The following PDE4D variants were observed in gnomAD, a reference collection of about 807,000 sequenced individuals.
PDE4D encodes phosphodiesterase 4D.
In PDE4D, 24 loss-of-function variants were observed where a neutral mutation model predicts 87.4. The observed-to-expected ratio is 0.27, with a 90% CI of 0.20 to 0.39. The LOEUF is 0.39. Among genes scored for constraint, PDE4D ranks in the 10% least tolerant of loss-of-function variants. The pLI, the probability that PDE4D is intolerant of heterozygous loss-of-function variation, is 1.00. For synonymous variants in PDE4D, 384 were observed against 383.2 expected (o/e 1.00, Z -0.02); for missense variants, 714 against 1,041.0 (o/e 0.69, Z 4.32).
rs187449182 is a variant in PDE4D, at chr5:59,354,372, T to C, written c.456-138404A>G. On this transcript the variant is annotated intron_variant, in intron 1 of 14. Transcript: ENST00000340635. ...ATGCAAAAACAAGGCTGTGACATTATGAGATATTTTACATGTTTACATCAA... is the reference window on the plus strand; with the variant it reads ...ATGCAAAAACAAGGCTGTGACATTACGAGATATTTTACATGTTTACATCAA... Among the ~76,000 whole-genome samples the C allele has an allele frequency of 7.2e-5, 11 of 152,314 alleles. No individual in the cohort carries two copies. In the East Asian group the frequency reaches 2.1e-3, roughly 29 times the overall value.
chr5:59,593,724 T>C (rs1166178069), intron 1 of PDE4D, among the ~76,000 whole-genome samples: 1 of 151,794 alleles, frequency 6.6e-6, no homozygotes, highest in African/African-American at 2.4e-5. Flanking sequence ...AGTGCTGGGG[T>C]AGAAAAACCT....
intron 1 of PDE4D, among the ~76,000 whole-genome samples, chr5:59,874,610 G>A (rs974250652): frequency 6.6e-6 from 1 of 152,094 alleles, no homozygotes; most frequent in Non-Finnish European, 1.5e-5. Context: ...AGAATACAAA[G>A]TAATATTATA....
chr5:60,507,315 T>C (rs770481066), intron 1 of PDE4D, among the ~76,000 whole-genome samples: 1 of 152,206 alleles, frequency 6.6e-6, no homozygotes, highest in Non-Finnish European at 1.5e-5. Context: ...CCTCAGGCGA[T>C]CCACCTGCCT....
At chr5:60,137,763 C>T (rs370594981) in intron 2 of PDE4D, among the ~76,000 whole-genome samples, 38 of 152,000 alleles carry the variant, frequency 2.5e-4, no homozygotes, top group African/African-American at 9.2e-4. Context: ...ATTTTCTTTT[C>T]CTGTGCAGAA....
chr5:60,452,574 T>G lies in PDE4D; in HGVS notation c.-90+35368A>C, dbSNP rs116537390. On this transcript the variant is annotated intron_variant, in intron 1 of 16. Transcript: ENST00000502484. The stretch of plus-strand genomic sequence containing the variant: ...ACCCTGTCCTCAAAGAGTTTAAAAT[T>G]TGGTACAAAAGATATGTTTGCATGC... Among the ~76,000 whole-genome samples the G allele has an allele frequency of 6.9e-3, 1,045 of 152,120 alleles. 9 individuals are homozygous for G. The highest frequency in any genetic ancestry group is 0.024 in the African/African-American group (1,005 of 41,530).
intron 1 of PDE4D, among the ~76,000 whole-genome samples, chr5:60,477,066 T>A (rs1395740658): frequency 6.6e-6 from 1 of 152,132 alleles, no homozygotes; most frequent in Admixed American, 6.5e-5. Flanking sequence ...TTAAAATACG[T>A]CCAGTTTGAA....
chr5:59,904,399 G>A (rs1030228346), intron 3 of PDE4D, among the ~76,000 whole-genome samples: 2 of 152,100 alleles, frequency 1.3e-5, no homozygotes, highest in African/African-American at 4.8e-5. Flanking sequence ...CTCCCACTTT[G>A]CTGGAATAAA....
At chr5:59,252,007 A>G (rs1005525128) in intron 1 of PDE4D, among the ~76,000 whole-genome samples, 2 of 152,104 alleles carry the variant, frequency 1.3e-5, no homozygotes, top group Non-Finnish European at 2.9e-5. Flanking sequence ...AACAACAGAC[A>G]TTGGGGTCTA....
At chr5:59,436,464 T>A (rs1477570349) in intron 1 of PDE4D, among the ~76,000 whole-genome samples, 1 of 152,202 alleles carries the variant, frequency 6.6e-6, no homozygotes, top group East Asian at 1.9e-4. Flanking sequence ...AAACATACTA[T>A]TCTAGTAAAA....
At chr5:59,549,304 T>G (rs1817745740) in intron 1 of PDE4D, among the ~76,000 whole-genome samples, 1 of 152,190 alleles carries the variant, frequency 6.6e-6, no homozygotes, top group African/African-American at 2.4e-5. Flanking sequence ...AGTGTGTTTT[T>G]CATTCACTAT....
chr5:60,140,491 C>T (rs1780429129), intron 2 of PDE4D, among the ~76,000 whole-genome samples: 1 of 149,864 alleles, frequency 6.7e-6, no homozygotes, highest in African/African-American at 2.5e-5. Context: ...TCTTTATATC[C>T]TGATATCACA....
intron 1 of PDE4D, among the ~76,000 whole-genome samples, chr5:60,202,700 C>A (rs1313562717): frequency 6.6e-6 from 1 of 151,332 alleles, no homozygotes. Flanking sequence ...ATGGAAAAAT[C>A]AACCATGCGA....
intron 1 of PDE4D, among the ~76,000 whole-genome samples, chr5:60,396,999 G>T (rs371663471): frequency 1.3e-5 from 2 of 152,090 alleles, no homozygotes; most frequent in African/African-American, 4.8e-5. Context: ...TTCTTCACGT[G>T]GTCCAATGCA....
At chr5:60,013,516 C>T (rs184574658) in intron 2 of PDE4D, among the ~76,000 whole-genome samples, 5 of 152,196 alleles carry the variant, frequency 3.3e-5, no homozygotes, top group Admixed American at 3.3e-4. Flanking sequence ...GATCTAGTAG[C>T]ATCTGTGTCA....
chr5:59,302,384 T>A (rs1490125212), intron 1 of PDE4D, among the ~76,000 whole-genome samples: 1 of 151,288 alleles, frequency 6.6e-6, no homozygotes, highest in Non-Finnish European at 1.5e-5. Flanking sequence ...TTTTATAAAA[T>A]TTTTTTCCAT....
intron 1 of PDE4D, among the ~76,000 whole-genome samples, chr5:59,441,860 ATTTG>A (rs1289999391): frequency 3.9e-5 from 6 of 152,208 alleles, no homozygotes; most frequent in African/African-American, 1.4e-4. Context: ...GTTTCTGTAT[ATTTG>A]TTTGATTGGA....
chr5:59,953,865 T>C (rs1189268566), intron 3 of PDE4D, among the ~76,000 whole-genome samples: 1 of 152,196 alleles, frequency 6.6e-6, no homozygotes, highest in Non-Finnish European at 1.5e-5. Context: ...ACAGTCATAT[T>C]AAATGTTAGA....
At chr5:59,758,556 G>A (rs530211723) in intron 1 of PDE4D, among the ~76,000 whole-genome samples, 1 of 152,274 alleles carries the variant, frequency 6.6e-6, no homozygotes, top group Non-Finnish European at 1.5e-5. Context: ...AGAGACTGAT[G>A]TGTTAAGATG....
chr5:59,375,747 C>T (rs143736316), intron 1 of PDE4D, among the ~76,000 whole-genome samples: 69 of 152,136 alleles, frequency 4.5e-4, no homozygotes, highest in Non-Finnish European at 7.7e-4. Context: ...ATTTAAAACT[C>T]AGACCAATAT....
Sources: allele counts gnomAD v4.1 joint callset (sites outside exome capture counted in the v4.1 genomes callset), GRCh38; gene constraint gnomAD v4.1.1; transcripts MANE v1.5; gene names NCBI Gene and HGNC (gene_info 2026-07-23, HGNC 2026-07-21).